The following RALGAPA2 variants were observed in gnomAD, a reference collection of about 807,000 sequenced individuals.
RALGAPA2 encodes Ral GTPase activating protein catalytic subunit alpha 2, also known as ral GTPase-activating protein subunit alpha-2.
A neutral mutation model predicts 230.4 loss-of-function variants in RALGAPA2; 139 were observed. That is an observed-to-expected ratio of 0.60 (90% CI 0.53 to 0.69). The LOEUF is 0.69. Among genes scored for constraint, RALGAPA2 ranks in the 30% least tolerant of loss-of-function variants. The probability of loss-of-function intolerance (pLI) is 0.00; values close to 1 mark genes in which losing one functional copy is unlikely to be tolerated. For missense variants in RALGAPA2, 2,163 were observed against 2,276.0 expected (o/e 0.95, Z 1.01); for synonymous variants, 847 against 837.8 (o/e 1.01, Z -0.19).
At chr20:20,490,861 A>AACACACACACACACACAC (rs34230105) in intron 36 of RALGAPA2, among the ~76,000 whole-genome samples, 2 of 142,204 alleles carry the variant, frequency 1.4e-5, no homozygotes, top group South Asian at 2.3e-4. Context: ...AACACACATG[A>AACACACACACACACACAC]ACACACACAC....
chr20:20,576,208 C>T (rs1602896359), intron 20 of RALGAPA2, among the ~76,000 whole-genome samples: 1 of 152,104 alleles, frequency 6.6e-6, no homozygotes, highest in South Asian at 2.1e-4. Flanking sequence ...ATCTTATATT[C>T]GAATGGAATA....
rs76353640 is a variant in RALGAPA2, at chr20:20,577,986, G to A, written c.2708-4918C>T. Among the ~76,000 whole-genome samples, 827 of 152,134 alleles carry A rather than the reference G, an allele frequency of 5.4e-3. 7 individuals carry two copies. The highest frequency in any genetic ancestry group is 0.019 in the African/African-American group (788 of 41,518). On this transcript the variant is annotated intron_variant, in intron 20 of 39. Transcript: ENST00000202677. ...CATCACCTGCACCTCTTTTCAACCT[G>A]CCAACGAATATGCCCTTACTTATGA...
chr20:20,499,141 T>C (rs1026533358), intron 35 of RALGAPA2, among the ~76,000 whole-genome samples: 1 of 152,196 alleles, frequency 6.6e-6, no homozygotes, highest in Non-Finnish European at 1.5e-5. Flanking sequence ...TTACTGTGAC[T>C]GATTTTTAGT....
chr20:20,462,562 C>T (rs2061327378), intron 37 of RALGAPA2, among the ~76,000 whole-genome samples: 1 of 152,104 alleles, frequency 6.6e-6, no homozygotes, highest in Non-Finnish European at 1.5e-5. Flanking sequence ...TCAAAGTACC[C>T]CTTTTAGAGT....
At chr20:20,606,922 C>T (rs2146253215) in intron 14 of RALGAPA2, among the ~76,000 whole-genome samples, 1 of 152,288 alleles carries the variant, frequency 6.6e-6, no homozygotes, top group East Asian at 1.9e-4. Context: ...GAAAGAAGTG[C>T]CTCTACATAG....
intron 3 of RALGAPA2, among the ~76,000 whole-genome samples, chr20:20,663,021 C>T (rs776306911): frequency 2.0e-5 from 3 of 152,134 alleles, no homozygotes; most frequent in South Asian, 2.1e-4. Flanking sequence ...GCAGACTAGA[C>T]GAAGAACATT....
At chr20:20,635,216 C>G (rs1430420261) in intron 9 of RALGAPA2, 1 of 595,546 alleles carries the variant, frequency 1.7e-6, no homozygotes, top group East Asian at 3.2e-5. Flanking sequence ...TCATGGCAGT[C>G]CCAACAATGC....
At chr20:20,705,634 AT>A (rs536313466) in intron 1 of RALGAPA2, among the ~76,000 whole-genome samples, 57 of 152,218 alleles carry the variant, frequency 3.7e-4, no homozygotes, top group Non-Finnish European at 6.9e-4. Flanking sequence ...ACAACTTGCT[AT>A]TTTGAAAGTC....
chr20:20,486,022 C>T (rs1474692152), intron 36 of RALGAPA2, among the ~76,000 whole-genome samples: 1 of 151,978 alleles, frequency 6.6e-6, no homozygotes, highest in Non-Finnish European at 1.5e-5. Context: ...GCCTGTAGTC[C>T]CAGCTATCCA....
rs981759481 is a variant in RALGAPA2, at chr20:20,633,549, G to A, written c.1005+1869C>T. Among the ~76,000 whole-genome samples the A allele has an allele frequency of 3.9e-5, 6 of 152,066 alleles. No individual in the cohort carries two copies. The South Asian group carries it at 6.2e-4, about 16-fold the overall frequency. On this transcript the variant is annotated intron_variant, in intron 9 of 39. Transcript: ENST00000202677. ...GTCGCCCAGGCTGGAGTGCAGTGGCGCGATCTCCGCTCAGTGCAAGCTCCG... is the reference window on the plus strand; with the variant it reads ...GTCGCCCAGGCTGGAGTGCAGTGGCACGATCTCCGCTCAGTGCAAGCTCCG...
chr20:20,707,668 G>A (rs989288495), intron 1 of RALGAPA2, among the ~76,000 whole-genome samples: 2 of 152,136 alleles, frequency 1.3e-5, no homozygotes, highest in South Asian at 4.2e-4. Context: ...CAGCATTTGT[G>A]AGAGACGGTT....
intron 37 of RALGAPA2, among the ~76,000 whole-genome samples, chr20:20,443,459 CCTTGTATCT>C: frequency 6.6e-6 from 1 of 152,280 alleles, no homozygotes; most frequent in Middle Eastern, 3.4e-3. Flanking sequence ...ACCTTTTTCC[CCTTGTATCT>C]CTGGATCCCT....
In RALGAPA2 at chr20:20,531,748, G is replaced by A. The variant is rs1017180788; in HGVS notation, c.3521C>T (p.Ala1174Val). Residue 1174 changes from alanine to valine, a missense_variant, in exon 27 of 40, where the codon GCA (alanine) becomes GTA (valine). By Grantham distance (64) the Ala-to-Val change is moderately conservative. Coordinates refer to ENST00000202677, the MANE Select transcript of RALGAPA2 (RefSeq NM_020343.4). The stretch of plus-strand genomic sequence containing the variant: ...CACCTGAGGGTGGCTTGTACACTGT[G>A]CAAGCTCTTCACATATCCAGACCCC... ...SLGVWICEEL[A>V]QCTSHPQVKE... 8 of 1,608,542 alleles carry A rather than the reference G, an allele frequency of 5.0e-6. No individual in the cohort carries two copies. The highest frequency in any genetic ancestry group is 2.2e-5 in the East Asian group (1 of 44,798).
At chr20:20,518,548 C>T (rs2062944452) in intron 31 of RALGAPA2, among the ~76,000 whole-genome samples, 1 of 152,062 alleles carries the variant, frequency 6.6e-6, no homozygotes, top group Non-Finnish European at 1.5e-5. Flanking sequence ...AGCATCTTGC[C>T]TATTTGCTTA....
intron 3 of RALGAPA2, among the ~76,000 whole-genome samples, chr20:20,656,418 T>G (rs989242462): frequency 4.5e-4 from 69 of 152,330 alleles, no homozygotes; most frequent in African/African-American, 1.6e-3. Context: ...GTGAGCTCAA[T>G]ATTAATCTCT....
Position 20,495,231 on chromosome 20 carries a change from T to C in RALGAPA2, c.5253A>G (p.Glu1751=). Reference sequence around the variant, plus strand: ...TACCCCTGCGGTAGTCTCTGGAGTGTTCAGACCAGACGATATGGACCTCGT... The same window carrying C: ...TACCCCTGCGGTAGTCTCTGGAGTGCTCAGACCAGACGATATGGACCTCGT... The part of the protein sequence containing the change: ...GNDEVHIVWS[E]HSRDYRRGII... Residue 1751 remains glutamate, a synonymous_variant, in exon 36 of 40, where the codon GAA becomes GAG. Coordinates refer to ENST00000202677, the MANE Select transcript of RALGAPA2 (RefSeq NM_020343.4). 7 of 1,597,292 alleles carry C rather than the reference T, an allele frequency of 4.4e-6. No homozygotes were observed. The highest frequency in any genetic ancestry group is 4.5e-5 in the East Asian group (2 of 44,626).
chr20:20,657,634 C>T (rs765909707), intron 3 of RALGAPA2, among the ~76,000 whole-genome samples: 8 of 152,174 alleles, frequency 5.3e-5, no homozygotes, highest in Non-Finnish European at 8.8e-5. Context: ...TGAGTTCTCC[C>T]CATGCTTTCT....
chr20:20,601,647 T>C, intron 16 of RALGAPA2, 35 bp downstream of exon 16: 1 of 1,592,294 alleles, frequency 6.3e-7, no homozygotes, highest in Middle Eastern at 1.8e-4. Flanking sequence ...TAGATAACAA[T>C]TAGATTTTTG....
intron 3 of RALGAPA2, 139 bp from the exon 4 acceptor site, chr20:20,653,726 G>A: frequency 1.9e-6 from 1 of 514,132 alleles, no homozygotes; most frequent in Non-Finnish European, 3.5e-6. Flanking sequence ...TGCACTTCAT[G>A]CTGTATTCCT....
Sources: gnomAD v4.1 joint callset for allele counts (sites outside exome capture counted in the v4.1 genomes callset) on GRCh38, gnomAD v4.1.1 for gene constraint, MANE v1.5 for transcripts, NCBI Gene and HGNC (gene_info 2026-07-23, HGNC 2026-07-21) for gene names.